PTK2: variants seen among roughly 807,000 people sequenced by gnomAD.
PTK2 encodes the protein protein tyrosine kinase 2.
In PTK2, 45 loss-of-function variants were observed where a neutral mutation model predicts 150.1. That is an observed-to-expected ratio of 0.30 (90% CI 0.24 to 0.38). The LOEUF is 0.38. Among genes scored for constraint, PTK2 ranks in the 10% least tolerant of loss-of-function variants. The probability of loss-of-function intolerance (pLI) is 1.00; values close to 1 mark genes in which losing one functional copy is unlikely to be tolerated. For synonymous variants in PTK2, 432 were observed against 449.2 expected (o/e 0.96, Z 0.48); for missense variants, 919 against 1,307.3 (o/e 0.70, Z 4.58).
intron 1 of PTK2, among the ~76,000 whole-genome samples, chr8:140,933,812 T>C (rs1474088339): frequency 6.6e-6 from 1 of 151,984 alleles, no homozygotes; most frequent in Non-Finnish European, 1.5e-5. Flanking sequence ...AAATTGATGG[T>C]GGTGATTGTA....
chr8:140,724,977 G>A (rs564765978), intron 22 of PTK2, among the ~76,000 whole-genome samples: 7 of 152,166 alleles, frequency 4.6e-5, no homozygotes, highest in Non-Finnish European at 8.8e-5. Flanking sequence ...TTAGTCTCCA[G>A]GTGGACTGGA....
chr8:140,659,813 C>T (rs2076853180), intron 31 of PTK2, 135 bp from the exon 36 acceptor site: 2 of 757,240 alleles, frequency 2.6e-6, no homozygotes, highest in Non-Finnish European at 4.2e-6. Context: ...CCTCAGCCTT[C>T]CCACTAGCTG....
intron 1 of PTK2, among the ~76,000 whole-genome samples, chr8:140,960,671 C>T (rs1027284924): frequency 1.3e-5 from 2 of 152,160 alleles, no homozygotes; most frequent in Non-Finnish European, 2.9e-5. Flanking sequence ...ATCAACACTT[C>T]ACAAATCTTG....
At chr8:140,663,156 A>C in intron 31 of PTK2, 1 of 163,962 alleles carries the variant, frequency 6.1e-6, no homozygotes, top group African/African-American at 2.4e-5. Context: ...AGAAATATAA[A>C]TGGAAATCTT....
At chr8:140,790,982 A>C (rs1474199768) in intron 13 of PTK2, among the ~76,000 whole-genome samples, 1 of 152,162 alleles carries the variant, frequency 6.6e-6, no homozygotes, top group African/African-American at 2.4e-5. Flanking sequence ...CAACTTTCTC[A>C]CGATAGCTTG....
chr8:140,766,130 G>A (rs1006626882), intron 14 of PTK2, among the ~76,000 whole-genome samples: 1 of 152,144 alleles, frequency 6.6e-6, no homozygotes, highest in Non-Finnish European at 1.5e-5. Context: ...CAGCTGCCCT[G>A]TTATCCAAAC....
chr8:140,964,253 G>GTCTT (rs1242857035), intron 1 of PTK2, among the ~76,000 whole-genome samples: 1 of 152,124 alleles, frequency 6.6e-6, no homozygotes, highest in Non-Finnish European at 1.5e-5. Context: ...AAGAGACAGG[G>GTCTT]TCTTGCTCTA....
At chr8:140,848,480 T>C (rs1050302375) in intron 5 of PTK2, among the ~76,000 whole-genome samples, 6 of 152,044 alleles carry the variant, frequency 3.9e-5, no homozygotes, top group African/African-American at 1.4e-4. Flanking sequence ...CAAACAGTCA[T>C]CAAACTGGAG....
intron 1 of PTK2, among the ~76,000 whole-genome samples, chr8:140,942,645 TGCGC>T (rs376862686): frequency 7.3e-5 from 11 of 151,502 alleles, no homozygotes; most frequent in Admixed American, 3.9e-4. Context: ...TGTGTGTGTG[TGCGC>T]GCATATATGT....
intron 1 of PTK2, among the ~76,000 whole-genome samples, chr8:140,957,906 C>T (rs765827245): frequency 2.6e-5 from 4 of 151,928 alleles, no homozygotes; most frequent in East Asian, 1.9e-4. Context: ...CATTTCCTGT[C>T]GTTAAGCAAC....
chr8:140,751,361 T>C (rs1000783971), intron 17 of PTK2, among the ~76,000 whole-genome samples: 10 of 152,164 alleles, frequency 6.6e-5, no homozygotes, highest in African/African-American at 2.4e-4. Flanking sequence ...AATTTTTTCA[T>C]AGAGACGGGG....
chr8:140,804,589 C>A (rs2100097246), intron 10 of PTK2, among the ~76,000 whole-genome samples: 1 of 152,198 alleles, frequency 6.6e-6, no homozygotes, highest in African/African-American at 2.4e-5. Flanking sequence ...TCTAGCATCT[C>A]ATGAGGATGA....
chr8:140,893,233 G>C (rs186276018), intron 2 of PTK2, among the ~76,000 whole-genome samples: 5 of 152,260 alleles, frequency 3.3e-5, no homozygotes, highest in Admixed American at 3.3e-4. Context: ...GATTGCTTGA[G>C]TCCAGGAGGT....
At chr8:140,961,496 C>T (rs758299703) in intron 1 of PTK2, among the ~76,000 whole-genome samples, 2 of 151,874 alleles carry the variant, frequency 1.3e-5, no homozygotes, top group East Asian at 1.9e-4. Flanking sequence ...CCTGTCTCTA[C>T]TAAAAATACA....
chr8:140,931,419 G>C (rs1221611089), intron 1 of PTK2, among the ~76,000 whole-genome samples: 2 of 151,918 alleles, frequency 1.3e-5, no homozygotes, highest in African/African-American at 2.4e-5. Context: ...CAAACAATTA[G>C]CTGGGCATGG....
At chr8:140,696,746 A>G (rs897003237) in intron 26 of PTK2, among the ~76,000 whole-genome samples, 3 of 152,190 alleles carry the variant, frequency 2.0e-5, no homozygotes, top group African/African-American at 7.2e-5. Flanking sequence ...TAAACTCATA[A>G]AAGAGAAAAA....
At chr8:140,785,070 T>C (rs2100084131) in intron 14 of PTK2, among the ~76,000 whole-genome samples, 1 of 152,202 alleles carries the variant, frequency 6.6e-6, no homozygotes. Context: ...CTGTTGGTTA[T>C]CCTCTCTACC....
chr8:140,756,804 C>G (rs1001657932), intron 16 of PTK2, among the ~76,000 whole-genome samples: 1 of 150,044 alleles, frequency 6.7e-6, no homozygotes, highest in Non-Finnish European at 1.5e-5. Context: ...CCTGGCTAAC[C>G]CGTTGAAATC....
intron 26 of PTK2, among the ~76,000 whole-genome samples, chr8:140,697,852 G>GTTTTTTTTTTTT: frequency 2.1e-5 from 1 of 48,026 alleles, no homozygotes; most frequent in African/African-American, 9.0e-5. Context: ...AGGGTTTACT[G>GTTTTTTTTTTTT]TTTTTTTTTT....
Sources: gnomAD v4.1 joint callset for allele counts (sites outside exome capture counted in the v4.1 genomes callset) on GRCh38, gnomAD v4.1.1 for gene constraint, MANE v1.5 for transcripts, NCBI Gene and HGNC (gene_info 2026-07-23, HGNC 2026-07-21) for gene names.